STT3B: variants seen among roughly 807,000 people sequenced by gnomAD.
STT3B encodes STT3 oligosaccharyltransferase complex catalytic subunit B.
In STT3B, 29 loss-of-function variants were observed where a neutral mutation model predicts 96.8. The ratio of observed to expected loss-of-function variants is 0.30; its 90% CI spans 0.22 to 0.41. STT3B has a LOEUF of 0.41. Among genes scored for constraint, STT3B ranks in the 10% least tolerant of loss-of-function variants. The pLI, the probability that STT3B is intolerant of heterozygous loss-of-function variation, is 1.00. For missense variants in STT3B, 640 were observed against 1,022.3 expected (o/e 0.63, Z 5.10); for synonymous variants, 367 against 360.0 (o/e 1.02, Z -0.22).
At chr3:31,534,023 T>G (rs1004402979) in intron 1 of STT3B, among the ~76,000 whole-genome samples, 2 of 152,258 alleles carry the variant, frequency 1.3e-5, no homozygotes, top group East Asian at 3.8e-4. Context: ...AGTGGCTTTT[T>G]TTCAGAGCTC....
At chr3:31,547,933 C>G (rs1697455375) in intron 1 of STT3B, among the ~76,000 whole-genome samples, 1 of 152,092 alleles carries the variant, frequency 6.6e-6, no homozygotes, top group Non-Finnish European at 1.5e-5. Flanking sequence ...TTCATGTCAC[C>G]TCAGATTTCT....
chr3:31,563,408 T>G (rs1575415765), intron 1 of STT3B, among the ~76,000 whole-genome samples: 1 of 152,316 alleles, frequency 6.6e-6, no homozygotes, highest in South Asian at 2.1e-4. Flanking sequence ...TACAAGGATC[T>G]TTGTTGTGAT....
chr3:31,575,106 A>G (rs547268732), intron 1 of STT3B, among the ~76,000 whole-genome samples: 3 of 152,236 alleles, frequency 2.0e-5, no homozygotes, highest in African/African-American at 4.8e-5. Flanking sequence ...TTGTTTGCTT[A>G]TAGCTACACT....
intron 3 of STT3B, among the ~76,000 whole-genome samples, chr3:31,585,947 A>T (rs1312885160): frequency 6.6e-6 from 1 of 152,022 alleles, no homozygotes; most frequent in African/African-American, 2.4e-5. Flanking sequence ...GACATATATT[A>T]TTATTTCACT....
chr3:31,584,753 G>GA (rs771500319), intron 3 of STT3B, among the ~76,000 whole-genome samples: 11 of 152,078 alleles, frequency 7.2e-5, no homozygotes, highest in Non-Finnish European at 1.6e-4. Flanking sequence ...TTCAGTATTT[G>GA]AAAATTAGAA....
chr3:31,625,198 C>G (rs1699509656), intron 12 of STT3B, 113 bp downstream of exon 12: 1 of 931,042 alleles, frequency 1.1e-6, no homozygotes, highest in African/African-American at 1.7e-5. Flanking sequence ...GCTGAATTCT[C>G]AAAATACTTT....
chr3:31,578,080 A>G lies in STT3B; in HGVS notation c.423+1576A>G, dbSNP rs544850977. On this transcript the variant is annotated intron_variant, in intron 2 of 15. Transcript: ENST00000295770. ...TTATACTTAAGGTTATTATAAATGT[A>G]GAACCCACATTGACACATTTGAATG... Among the ~76,000 whole-genome samples the G allele has an allele frequency of 1.2e-3, 189 of 152,318 alleles. 1 individual carries two copies. The highest frequency in any genetic ancestry group is 4.2e-3 in the African/African-American group (176 of 41,582).
intron 3 of STT3B, among the ~76,000 whole-genome samples, chr3:31,587,324 A>G (rs913318267): frequency 2.0e-5 from 3 of 152,080 alleles, no homozygotes; most frequent in Admixed American, 6.6e-5. Flanking sequence ...GCCCTTAGCA[A>G]CCGGTATTGC....
chr3:31,603,914 T>C (rs1348652753), intron 5 of STT3B, among the ~76,000 whole-genome samples: 1 of 152,276 alleles, frequency 6.6e-6, no homozygotes, highest in East Asian at 1.9e-4. Context: ...TTCATACTTA[T>C]TTCTGCTTTC....
intron 14 of STT3B, 98 bp from the exon 15 acceptor site, chr3:31,632,837 A>G: frequency 9.7e-7 from 1 of 1,027,636 alleles, no homozygotes; most frequent in Non-Finnish European, 1.5e-6. Flanking sequence ...TCCTAGTTTA[A>G]AGGGAGAAGG....
chr3:31,608,454 T>C (rs1281553115), intron 5 of STT3B, among the ~76,000 whole-genome samples: 1 of 152,176 alleles, frequency 6.6e-6, no homozygotes, highest in Non-Finnish European at 1.5e-5. Context: ...GGGAAGATGG[T>C]ATTGCTTGCA....
intron 3 of STT3B, among the ~76,000 whole-genome samples, chr3:31,580,746 T>C (rs1001857643): frequency 2.0e-5 from 3 of 152,110 alleles, no homozygotes; most frequent in Non-Finnish European, 4.4e-5. Flanking sequence ...ATTTTTGCTC[T>C]AGCATGGAAT....
chr3:31,632,356 T>C (rs995977968), intron 14 of STT3B, among the ~76,000 whole-genome samples: 1 of 152,212 alleles, frequency 6.6e-6, no homozygotes, highest in Non-Finnish European at 1.5e-5. Flanking sequence ...AAAGACATGT[T>C]TACATCCCAA....
At chr3:31,537,584 G>T (rs1002496558) in intron 1 of STT3B, among the ~76,000 whole-genome samples, 4 of 152,154 alleles carry the variant, frequency 2.6e-5, no homozygotes, top group African/African-American at 9.7e-5. Context: ...GGTAGTTAGG[G>T]TCTGTCATGA....
At chr3:31,577,901 T>G (rs1698296410) in intron 2 of STT3B, among the ~76,000 whole-genome samples, 1 of 152,150 alleles carries the variant, frequency 6.6e-6, no homozygotes, top group South Asian at 2.1e-4. Context: ...TAACTTTATC[T>G]TAAATTAATC....
chr3:31,581,897 A>G (rs562493951), intron 3 of STT3B, among the ~76,000 whole-genome samples: 1 of 152,248 alleles, frequency 6.6e-6, no homozygotes, highest in South Asian at 2.1e-4. Flanking sequence ...CAGATTCTCT[A>G]TTTCATCATG....
chr3:31,613,180 T>G (rs1699223315), intron 5 of STT3B, among the ~76,000 whole-genome samples: 1 of 151,984 alleles, frequency 6.6e-6, no homozygotes, highest in Admixed American at 6.6e-5. Context: ...ATCCCTGAAT[T>G]TGTTCTCTTT....
chr3:31,634,041 G>A (rs1027997070), intron 15 of STT3B, among the ~76,000 whole-genome samples: 4 of 152,062 alleles, frequency 2.6e-5, no homozygotes, highest in Non-Finnish European at 4.4e-5. Context: ...TACTATAAAA[G>A]TGCTGAATAT....
At chr3:31,553,549 G>A (rs1321955138) in intron 1 of STT3B, among the ~76,000 whole-genome samples, 3 of 152,092 alleles carry the variant, frequency 2.0e-5, no homozygotes, top group Admixed American at 6.5e-5. Context: ...TCTGAAATCC[G>A]AGAACAAACA....
Sources: allele counts gnomAD v4.1 joint callset (sites outside exome capture counted in the v4.1 genomes callset), GRCh38; gene constraint gnomAD v4.1.1; transcripts MANE v1.5; gene names NCBI Gene and HGNC (gene_info 2026-07-23, HGNC 2026-07-21).